The following DPYD variants were observed in gnomAD, a reference collection of about 807,000 sequenced individuals.
DPYD encodes dihydropyrimidine dehydrogenase [NADP(+)].
In DPYD, 109 loss-of-function variants were observed where a neutral mutation model predicts 116.2. That is an observed-to-expected ratio of 0.94 (90% CI 0.80 to 1.10). DPYD has a LOEUF of 1.10. Ranked by LOEUF, DPYD falls within the 50% of genes least tolerant of loss-of-function variation. The pLI, the probability that DPYD is intolerant of heterozygous loss-of-function variation, is 0.00. For synonymous variants in DPYD, 440 were observed against 432.0 expected, an observed-to-expected ratio of 1.02 and a Z score of -0.23; for missense variants, 1,302 against 1,254.5, an observed-to-expected ratio of 1.04 and a Z score of -0.57.
intron 16 of DPYD, among the ~76,000 whole-genome samples, chr1:97,317,641 A>T (rs1158416175): frequency 6.6e-6 from 1 of 152,028 alleles, no homozygotes; most frequent in African/African-American, 2.4e-5. Flanking sequence ...AACCACAAGC[A>T]TAAAACCTCA....
At chr1:97,459,071 T>C (rs563045489) in intron 13 of DPYD, among the ~76,000 whole-genome samples, 1 of 152,074 alleles carries the variant, frequency 6.6e-6, no homozygotes, top group East Asian at 1.9e-4. Flanking sequence ...AAAAAATTAA[T>C]ATGCTTAAAA....
In DPYD at chr1:97,477,498, G is replaced by A. The variant is rs544649365; in HGVS notation, c.1741-27275C>T. ...CCTTGAATACTTAGAGGCTACTGTA[G>A]GGTTATTAATTGGCCTAATTTCAAA... On this transcript the variant is annotated intron_variant, in intron 13 of 22. Transcript: ENST00000370192. Among the ~76,000 whole-genome samples, 197 of 152,124 alleles carry A rather than the reference G, an allele frequency of 1.3e-3. 2 individuals carry two copies. Among genetic ancestry groups the A allele is most frequent in the African/African-American group, 4.6e-3 (189 of 41,454 alleles).
intron 13 of DPYD, among the ~76,000 whole-genome samples, chr1:97,513,489 T>C (rs550569312): frequency 2.0e-4 from 31 of 151,940 alleles, no homozygotes; most frequent in African/African-American, 7.2e-4. Flanking sequence ...ATATTTCATA[T>C]GATAACAAAA....
intron 16 of DPYD, among the ~76,000 whole-genome samples, chr1:97,310,533 C>G (rs1667447508): frequency 6.6e-6 from 1 of 151,810 alleles, no homozygotes; most frequent in Admixed American, 6.6e-5. Context: ...AGGCAGTCAA[C>G]TGTTCCAGGC....
At chr1:97,671,184 GTTAA>G (rs1486788523) in intron 8 of DPYD, among the ~76,000 whole-genome samples, 2 of 148,150 alleles carry the variant, frequency 1.3e-5, no homozygotes, top group South Asian at 2.1e-4. Flanking sequence ...AGTTAATAGG[GTTAA>G]TTAGAGTTAA....
chr1:97,698,907 G>A (rs1327016935), intron 6 of DPYD, among the ~76,000 whole-genome samples: 3 of 151,790 alleles, frequency 2.0e-5, no homozygotes, highest in Non-Finnish European at 2.9e-5. Context: ...TTAATCAAAA[G>A]TAAGACTTAA....
At chr1:97,199,420 T>C (rs1264957487) in intron 19 of DPYD, among the ~76,000 whole-genome samples, 1 of 152,152 alleles carries the variant, frequency 6.6e-6, no homozygotes, top group African/African-American at 2.4e-5. Flanking sequence ...ATTAAATACT[T>C]AGCACATAGG....
At chr1:97,630,240 T>G (rs917268018) in intron 8 of DPYD, among the ~76,000 whole-genome samples, 4 of 152,064 alleles carry the variant, frequency 2.6e-5, no homozygotes, top group Non-Finnish European at 4.4e-5. Context: ...ACATTGGACA[T>G]TTTTTATATT....
chr1:97,332,421 T>C (rs918183129), intron 16 of DPYD, among the ~76,000 whole-genome samples: 7 of 152,204 alleles, frequency 4.6e-5, no homozygotes, highest in African/African-American at 1.4e-4. Context: ...ATAAGGATGG[T>C]AGTAATATTA....
In DPYD at chr1:97,324,775, A is replaced by C. The variant is rs76315541; in HGVS notation, c.2059-18478T>G. Among the ~76,000 whole-genome samples the C allele has an allele frequency of 6.9e-4, 105 of 152,204 alleles. 2 individuals are homozygous for C. The East Asian group carries it at 0.019, about 27-fold the overall frequency. On this transcript the variant is annotated intron_variant, in intron 16 of 22. Coordinates refer to ENST00000370192, the MANE Select transcript of DPYD (RefSeq NM_000110.4). ...TAATTCAGGAGACCCTTGCAGAAAG[A>C]AGTGATAAATATCACCCAGATCCAG... is the stretch of plus-strand genomic sequence containing the variant.
At chr1:97,604,087 G>A (rs1024726200) in intron 8 of DPYD, among the ~76,000 whole-genome samples, 5 of 152,072 alleles carry the variant, frequency 3.3e-5, no homozygotes, top group Non-Finnish European at 7.4e-5. Flanking sequence ...TGTAGCAAAC[G>A]CGCTTGTGAC....
At chr1:97,607,641 G>C (rs985500470) in intron 8 of DPYD, among the ~76,000 whole-genome samples, 2 of 151,766 alleles carry the variant, frequency 1.3e-5, no homozygotes, top group Non-Finnish European at 2.9e-5. Flanking sequence ...GAAGGAAAGA[G>C]AAAAGGAAGC....
rs928497140 is a variant in DPYD, at chr1:97,597,472, A to T, written c.851-2306T>A. Among the ~76,000 whole-genome samples the T allele has an allele frequency of 5.3e-5, 8 of 152,324 alleles. No homozygotes were observed. The East Asian group carries it at 1.5e-3, about 29-fold the overall frequency. On this transcript the variant is annotated intron_variant, in intron 8 of 22. Coordinates refer to ENST00000370192, the MANE Select transcript of DPYD (RefSeq NM_000110.4). ...TTTACCAGTTCTGTGGTATTGTATAAGTTCCTGTGAATCCTGTGAAGGTTA... is the reference window on the plus strand; with the variant it reads ...TTTACCAGTTCTGTGGTATTGTATATGTTCCTGTGAATCCTGTGAAGGTTA...
intron 18 of DPYD, among the ~76,000 whole-genome samples, chr1:97,295,004 A>G (rs1424792430): frequency 6.6e-6 from 1 of 152,246 alleles, no homozygotes; most frequent in Non-Finnish European, 1.5e-5. Flanking sequence ...TGAGTATACT[A>G]TATTTAGACA....
intron 18 of DPYD, among the ~76,000 whole-genome samples, chr1:97,297,791 T>C (rs1245758198): frequency 3.3e-5 from 5 of 152,212 alleles, no homozygotes; most frequent in Admixed American, 2.6e-4. Flanking sequence ...CTAGTGTCTA[T>C]ACAAAGTTAA....
At chr1:97,493,627 G>GTC (rs200833740) in intron 13 of DPYD, among the ~76,000 whole-genome samples, 5,947 of 152,084 alleles carry the variant, frequency 0.039, 216 homozygotes, top group South Asian at 0.071. Context: ...AGACTAGGGA[G>GTC]GTGGAGAAAA....
intron 19 of DPYD, among the ~76,000 whole-genome samples, chr1:97,204,399 G>C (rs1273640020): frequency 6.6e-6 from 1 of 152,052 alleles, no homozygotes; most frequent in African/African-American, 2.4e-5. Context: ...ACTGGAACAT[G>C]GTTACAGACA....
rs191678086 is a variant in DPYD at position 97,352,606 on chromosome 1, T to C, written c.2058+20955A>G. ...CTTACAGATTCTATGTGAACTGATC[T>C]ACAGGGAAGAAATAGGTCTACACTG... On this transcript the variant is annotated intron_variant, in intron 16 of 22. Coordinates refer to ENST00000370192, the MANE Select transcript of DPYD (RefSeq NM_000110.4). 2.0e-5 allele frequency among the ~76,000 whole-genome samples: 3 copies of C among 152,028 alleles called. No individual in the cohort carries two copies. The East Asian group carries it at 5.8e-4, about 29-fold the overall frequency.
intron 10 of DPYD, among the ~76,000 whole-genome samples, chr1:97,589,498 C>A (rs1397463475): frequency 6.6e-6 from 1 of 152,154 alleles, no homozygotes; most frequent in Non-Finnish European, 1.5e-5. Context: ...CCTCCATGAT[C>A]GTTAAGTTTC....
Sources: gnomAD v4.1 joint callset for allele counts (sites outside exome capture counted in the v4.1 genomes callset) on GRCh38, gnomAD v4.1.1 for gene constraint, MANE v1.5 for transcripts, NCBI Gene and HGNC (gene_info 2026-07-23, HGNC 2026-07-21) for gene names.